DTX3: variants seen among roughly 807,000 people sequenced by gnomAD.
DTX3 encodes deltex E3 ubiquitin ligase 3.
A neutral mutation model predicts 27.4 loss-of-function variants in DTX3; 10 were observed. The ratio of observed to expected loss-of-function variants is 0.36; its 90% confidence interval spans 0.22 to 0.62. DTX3 has a LOEUF of 0.62. Ranked by LOEUF, DTX3 falls within the 20% of genes least tolerant of loss-of-function variation. DTX3 has a pLI of 0.68. For synonymous variants in DTX3, 171 were observed against 190.7 expected, an observed-to-expected ratio of 0.90 and a Z score of 0.85; for missense variants, 319 against 463.8, an observed-to-expected ratio of 0.69 and a Z score of 2.87.
chr12:57,606,348 G>C, intron 3 of DTX3, 95 bp from the exon 4 acceptor site: 6 of 904,080 alleles, frequency 6.6e-6, no homozygotes, highest in Non-Finnish European at 1.0e-5. Flanking sequence ...CCTATACCCA[G>C]GTTTCTGTCT....
chr12:57,607,299 C>A lies in DTX3; in HGVS notation c.436C>A (p.Pro146Thr). ...GCTCCCCCCTCCTCCTCCCCCCCTG[C>A]CCCCACCTCTTCCTCCTCGCCTTCG... ...RGLPPPPPPL[P>T]PPLPPRLREE... Residue 146 changes from proline to threonine, a missense_variant, in exon 5 of 7, where the codon CCC becomes ACC. Physicochemically the swap from Pro to Thr is conservative, Grantham distance 38. Coordinates refer to ENST00000337737, the MANE Select transcript of DTX3 (RefSeq NM_178502.4). This position sits in a 1 kb window ranked among gnomAD's most constrained non-coding sequence, Gnocchi z 7.7. The A allele has an allele frequency of 6.4e-7, 1 of 1,570,472 alleles. No individual in the cohort carries two copies. The highest frequency in any genetic ancestry group is 1.2e-5 in the South Asian group (1 of 86,864).
chr12:57,606,672 A>T, intron 4 of DTX3, 154 bp downstream of exon 4: 2 of 1,339,124 alleles, frequency 1.5e-6, no homozygotes, highest in Non-Finnish European at 1.0e-6. Flanking sequence ...AGCTCTGGAA[A>T]CTTTTTTGCT....
Position 57,609,222 on chromosome 12 carries a change from C to G in DTX3, c.*70C>G, listed in dbSNP as rs756208640. On this transcript the variant is annotated 3_prime_UTR_variant, in exon 7 of 7. Coordinates refer to ENST00000337737, the MANE Select transcript of DTX3 (RefSeq NM_178502.4). The stretch of plus-strand genomic sequence containing the variant: ...GACCCAGCAGAAGCCTCTTTCTCCT[C>G]TCTGCCCCCTGCCCCCCACACCACA... 1.7e-5 allele frequency: 25 copies of G among 1,436,302 alleles called. No homozygotes were observed. The African/African-American group carries it at 3.1e-4, about 18-fold the overall frequency. The allele number at this position is 1,436,302 out of a possible 1,614,324, so 89.0% of individuals were successfully genotyped here.
rs186859788 is a variant in DTX3, at chr12:57,606,431, C to T, written c.-75-12C>T. On this transcript the variant is annotated splice_polypyrimidine_tract_variant and intron_variant, in intron 3 of 6. Coordinates refer to ENST00000337737, the MANE Select transcript of DTX3 (RefSeq NM_178502.4). ...GGTTTCTCACTTTCCTTCCATTTTTCCGCCCTACCAGGTCACACGACCTAC... is the reference window on the plus strand; with the variant it reads ...GGTTTCTCACTTTCCTTCCATTTTTTCGCCCTACCAGGTCACACGACCTAC... The T allele has an allele frequency of 3.4e-4, 535 of 1,596,518 alleles. 1 individual carries two copies. Among genetic ancestry groups the T allele is most frequent in the Middle Eastern group, 2.6e-3 (15 of 5,730 alleles).
chr12:57,609,053 A>T, intron 6 of DTX3, 24 bp from the exon 7 acceptor site: 1 of 1,609,354 alleles, frequency 6.2e-7, no homozygotes, highest in Non-Finnish European at 8.5e-7. Context: ...AACAACCCTC[A>T]CCCTCATTTC....
In DTX3 at chr12:57,606,701, T is replaced by A. The variant is rs1408541121; in HGVS notation, c.2-164T>A. On this transcript the variant is annotated intron_variant, in intron 4 of 6. Transcript: ENST00000337737. Reference sequence around the variant, plus strand: ...TTTTGCTCTTCAGTGGGTTTTGGGTTTGGAAGATAAGGGGAGACAGAATAT... The same window carrying A: ...TTTTGCTCTTCAGTGGGTTTTGGGTATGGAAGATAAGGGGAGACAGAATAT... 4 of 1,358,536 alleles carry A rather than the reference T, an allele frequency of 2.9e-6. No homozygotes were observed. In the Admixed American group the frequency reaches 9.5e-5, roughly 32 times the overall value. 84.2% of individuals were successfully genotyped at this position (1,358,536 alleles called of 1,614,324 possible).
Position 57,606,255 on chromosome 12 carries a change from A to G in DTX3, c.-76+3A>G. On this transcript the variant is annotated splice_donor_region_variant and intron_variant, in intron 3 of 6. Coordinates refer to ENST00000337737, the MANE Select transcript of DTX3 (RefSeq NM_178502.4). ...ATCATCTTCCATGGGCTTTCCAGGT[A>G]TCTCCCCCGCAAGGGATCCTCAATT... is the stretch of plus-strand genomic sequence containing the variant. 2.0e-6 allele frequency: 1 copy of G among 494,230 alleles called. No homozygotes were observed. Among genetic ancestry groups the G allele is most frequent in the Non-Finnish European group, 3.6e-6 (1 of 280,986 alleles). The allele number at this position is 494,230 out of a possible 1,614,324, so 30.6% of individuals were successfully genotyped here. A position where few individuals can be genotyped will look rare whatever the true frequency, so the allele number is the denominator to read the frequency against.
chr12:57,608,970 A>AGGGGAGGT lies in DTX3; in HGVS notation c.969-97_969-90dup, dbSNP rs1027204409. The AGGGGAGGT allele has an allele frequency of 2.6e-6, 3 of 1,155,610 alleles. No individual in the cohort carries two copies. Among genetic ancestry groups the AGGGGAGGT allele is most frequent in the Non-Finnish European group, 3.8e-6 (3 of 781,460 alleles). The allele number at this position is 1,155,610 out of a possible 1,614,324, so 71.6% of individuals were successfully genotyped here. ...CTTGGATTTGGAGGTGTCCTCCCTTAGGGGAGGTGGGGAGGTGTCTGAGCC... is the reference window on the plus strand; with the variant it reads ...CTTGGATTTGGAGGTGTCCTCCCTTAGGGGAGGTGGGGAGGTGGGGAGGTGTCTGAGCC... On this transcript the variant is annotated intron_variant, in intron 6 of 6. Transcript: ENST00000337737. This position sits in a 1 kb window ranked among gnomAD's most constrained non-coding sequence, Gnocchi z 6.1.
Position 57,607,971 on chromosome 12 carries a change from G to T in DTX3, c.750+358G>T, listed in dbSNP as rs1054043631. On this transcript the variant is annotated intron_variant, in intron 5 of 6. Coordinates refer to ENST00000337737, the MANE Select transcript of DTX3 (RefSeq NM_178502.4). The surrounding 1 kb of genome is among the most constrained non-coding windows in gnomAD (Gnocchi z 7.7). ...GGGGAAGGGAGGCACAATAGGAAGGGATCTGACCAACCCAACAGAGCCAGG... is the reference window on the plus strand; with the variant it reads ...GGGGAAGGGAGGCACAATAGGAAGGTATCTGACCAACCCAACAGAGCCAGG... 4.6e-5 allele frequency among the ~76,000 whole-genome samples: 7 copies of T among 152,184 alleles called. No individual in the cohort carries two copies. Among genetic ancestry groups the T allele is most frequent in the Admixed American group, 1.3e-4 (2 of 15,284 alleles).
chr12:57,606,797 A>G (rs1254559310), intron 4 of DTX3, 68 bp from the exon 5 acceptor site: 2 of 1,531,466 alleles, frequency 1.3e-6, no homozygotes, highest in African/African-American at 1.4e-5. Flanking sequence ...AAGGAACCTG[A>G]AGTAGGAGGC....
chr12:57,607,747 C>A lies in DTX3; in HGVS notation c.750+134C>A. The A allele has an allele frequency of 8.2e-7, 1 of 1,217,622 alleles. No individual in the cohort carries two copies. The highest frequency in any genetic ancestry group is 1.2e-6 in the Non-Finnish European group (1 of 857,114). 75.4% of individuals were successfully genotyped at this position (1,217,622 alleles called of 1,614,324 possible). ...TTCCACTGTGCCCTCCTACTCAGTG[C>A]CCTGGACCTAGGAGGTCCCCGTGAG... On this transcript the variant is annotated intron_variant, in intron 5 of 6. Coordinates refer to ENST00000337737, the MANE Select transcript of DTX3 (RefSeq NM_178502.4). The surrounding 1 kb of genome is among the most constrained non-coding windows in gnomAD (Gnocchi z 7.7).
rs750288958 is a variant in DTX3, at chr12:57,606,897, G to A, written c.34G>A (p.Gly12Arg). Residue 12 changes from glycine to arginine, a missense_variant, in exon 5 of 7, where the codon GGA (glycine) becomes AGA (arginine). Physicochemically the swap from Gly to Arg is moderately radical, Grantham distance 125. Transcript: ENST00000337737. ...CGTCCTGTCCAGAATGGCAGCCTGT[G>A]GAGGCACCTGCAAGAACAAAGTGAC... ...SFVLSRMAACGGTCKNKVTVS... is the reference protein window; with the variant it reads ...SFVLSRMAACRGTCKNKVTVS... 1 of 1,613,838 alleles carries A rather than the reference G, an allele frequency of 6.2e-7. No individual in the cohort carries two copies. The highest frequency in any genetic ancestry group is 8.5e-7 in the Non-Finnish European group (1 of 1,179,838).
Position 57,606,514 on chromosome 12 carries a change from T to TCAAAGTAAG in DTX3, c.1+1_1+9dup. The stretch of plus-strand genomic sequence containing the variant: ...CATGCCAATTCTAAGCTCTTCAGGA[T>TCAAAGTAAG]CAAAGTAAGCAAAAAGGAGGGGCAA... On this transcript the variant is annotated 5_prime_UTR_variant, in exon 4 of 7. It introduces an in-frame stop codon into an upstream open reading frame of the 5' UTR. Coordinates refer to ENST00000337737, the MANE Select transcript of DTX3 (RefSeq NM_178502.4). The TCAAAGTAAG allele has an allele frequency of 6.2e-7, 1 of 1,613,898 alleles. No individual in the cohort carries two copies.
Position 57,606,467 on chromosome 12 carries a change from C to T in DTX3, c.-51C>T, listed in dbSNP as rs770128654. The T allele has an allele frequency of 1.2e-6, 2 of 1,613,090 alleles. No individual in the cohort carries two copies. Among genetic ancestry groups the T allele is most frequent in the South Asian group, 2.2e-5 (2 of 90,922 alleles). On this transcript the variant is annotated 5_prime_UTR_variant, in exon 4 of 7. Transcript: ENST00000337737. Reference sequence around the variant, plus strand: ...GGTCACACGACCTACAAGTAGGGAGCAGGGAAAGAAGAGTGAGCCTGCATG... The same window carrying T: ...GGTCACACGACCTACAAGTAGGGAGTAGGGAAAGAAGAGTGAGCCTGCATG...
intron 3 of DTX3, 54 bp from the exon 4 acceptor site, chr12:57,606,389 T>C (rs1883720345): frequency 1.4e-6 from 2 of 1,439,770 alleles, no homozygotes; most frequent in South Asian, 1.3e-5. Context: ...TTGGGGGCCA[T>C]GGGAATTGGG....
rs545497325 is a variant in DTX3, at chr12:57,606,829, A to T, written c.2-36A>T. On this transcript the variant is annotated intron_variant, in intron 4 of 6. Coordinates refer to ENST00000337737, the MANE Select transcript of DTX3 (RefSeq NM_178502.4). ...AGGCACTGATACTTGTCAAATGGGG[A>T]CCCCCCACCCTGAGTCCCTTTCACC... 6.4e-6 allele frequency: 10 copies of T among 1,561,284 alleles called. No individual in the cohort carries two copies. The South Asian group carries it at 9.7e-5, about 15-fold the overall frequency.
In DTX3 at chr12:57,607,269, CG is replaced by C; in HGVS notation, c.411del (p.Leu138SerfsTer58). 2 of 1,577,612 alleles carry C rather than the reference CG, an allele frequency of 1.3e-6. No homozygotes were observed. The highest frequency in any genetic ancestry group is 1.7e-6 in the Non-Finnish European group (2 of 1,161,344). On this transcript the variant is annotated frameshift_variant, in exon 5 of 7. Transcript: ENST00000337737. LOFTEE classifies it high-confidence loss of function. This position sits in a 1 kb window ranked among gnomAD's most constrained non-coding sequence, Gnocchi z 7.7. ...RAAPLLPPGARGLPPPPPPLP... is the reference protein window; with the variant it reads ...RAAPLLPPGAXGLPPPPPPLP... ...AGCCCCACTTCTGCCCCCAGGAGCT[CG>C]GGGGCTCCCCCCTCCTCCTCCCCCC... is the stretch of plus-strand genomic sequence containing the variant.
At position 57,607,281 on chromosome 12, in the gene DTX3, C is replaced by T. The variant is rs775422629; in HGVS notation, c.418C>T (p.Pro140Ser). Residue 140 changes from proline (P) to serine (S), a missense_variant, in exon 5 of 7, where the codon CCT becomes TCT. Physicochemically the swap from Pro to Ser is moderately conservative, Grantham distance 74. Transcript: ENST00000337737. This position sits in a 1 kb window ranked among gnomAD's most constrained non-coding sequence, Gnocchi z 7.7. Reference protein sequence around the residue: ...LLPPGARGLPPPPPPLPPPLP... With the variant: ...LLPPGARGLPSPPPPLPPPLP... The stretch of plus-strand genomic sequence containing the variant: ...GCCCCCAGGAGCTCGGGGGCTCCCC[C>T]CTCCTCCTCCCCCCCTGCCCCCACC... 6.4e-7 allele frequency: 1 copy of T among 1,567,726 alleles called. No individual in the cohort carries two copies. The highest frequency in any genetic ancestry group is 1.2e-5 in the South Asian group (1 of 86,430).
In DTX3 at chr12:57,606,151, A is replaced by G. The variant is rs191050840; in HGVS notation, c.-138-39A>G. The G allele has an allele frequency of 8.6e-4, 198 of 230,458 alleles. No homozygotes were observed. The Middle Eastern group carries it at 0.014, about 16-fold the overall frequency. 14.3% of individuals were successfully genotyped at this position (230,458 alleles called of 1,614,324 possible). ...TGGGTTGGCTGAGGGGAATGGTAAC[A>G]TTTGCCATCATAACTTTTTACCCTT... is the stretch of plus-strand genomic sequence containing the variant. On this transcript the variant is annotated intron_variant, in intron 2 of 6. Coordinates refer to ENST00000337737, the MANE Select transcript of DTX3 (RefSeq NM_178502.4).
Sources: allele counts gnomAD v4.1 joint callset (sites outside exome capture counted in the v4.1 genomes callset), GRCh38; gene constraint gnomAD v4.1.1; non-coding constraint Gnocchi (gnomAD v3.1); transcripts MANE v1.5; gene names NCBI Gene and HGNC (gene_info 2026-07-23, HGNC 2026-07-21).